CDCA2: variants seen among roughly 807,000 people sequenced by gnomAD.
CDCA2 encodes the protein cell division cycle-associated protein 2.
In CDCA2, 44 loss-of-function variants were observed where a neutral mutation model predicts 67.0. The ratio of observed to expected loss-of-function variants is 0.66; its 90% confidence interval spans 0.52 to 0.84. The LOEUF (loss-of-function observed/expected upper bound fraction) is 0.84. CDCA2 is among the 40% of genes least tolerant of loss of function. The pLI is 0.00. For synonymous variants in CDCA2, 447 were observed against 418.7 expected (o/e 1.07, Z -0.82); for missense variants, 1,253 against 1,203.2 (o/e 1.04, Z -0.61).
intron 3 of CDCA2, 61 bp downstream of exon 3, chr8:25,460,615 C>T (rs1484861805): frequency 8.5e-6 from 13 of 1,520,490 alleles, no homozygotes; most frequent in South Asian, 1.2e-5. Flanking sequence ...TTTAATATAA[C>T]TCAGCTTTAT....
chr8:25,464,845 T>G (rs558331626), intron 4 of CDCA2, among the ~76,000 whole-genome samples: 40 of 152,240 alleles, frequency 2.6e-4, no homozygotes, highest in Non-Finnish European at 5.7e-4. Context: ...TCAAGGATAT[T>G]TCAATGTAAA....
intron 13 of CDCA2, among the ~76,000 whole-genome samples, chr8:25,490,372 G>A (rs1315945466): frequency 6.6e-6 from 1 of 151,870 alleles, no homozygotes; most frequent in Non-Finnish European, 1.5e-5. Flanking sequence ...ACTTAGAATA[G>A]CAATGAGAGG....
rs746940300 is a variant in CDCA2 at position 25,466,162 on chromosome 8, T to G, written c.388-13T>G. ...TGATTATAATACTCCTTGTATATTT[T>G]GCACTTTCACAGGGCAGCCCTGCAC... On this transcript the variant is annotated splice_polypyrimidine_tract_variant and intron_variant, in intron 4 of 14. Transcript: ENST00000330560. 16 of 1,587,024 alleles carry G rather than the reference T, an allele frequency of 1.0e-5. No homozygotes were observed. In the South Asian group the frequency reaches 1.9e-4, roughly 19 times the overall value.
At chr8:25,474,609 G>A (rs1204761177) in intron 7 of CDCA2, among the ~76,000 whole-genome samples, 1 of 152,204 alleles carries the variant, frequency 6.6e-6, no homozygotes, top group South Asian at 2.1e-4. Flanking sequence ...GAAGTCAAAT[G>A]ATATTGCTAG....
chr8:25,490,649 C>T (rs1004580581), intron 13 of CDCA2, among the ~76,000 whole-genome samples: 2 of 152,070 alleles, frequency 1.3e-5, no homozygotes, highest in East Asian at 1.9e-4. Flanking sequence ...AAGTCCTATA[C>T]GTGGGACAGT....
At position 25,485,749 on chromosome 8, in the gene CDCA2, C is replaced by T. The variant is rs1226814766; in HGVS notation, c.1366-10C>T. On this transcript the variant is annotated splice_polypyrimidine_tract_variant and intron_variant, in intron 10 of 14. Transcript: ENST00000330560. ...AAAGATATCTAACTTCTGTCTTTTC[C>T]TTTGTTTAGGAAAACATAGAACCAC... 2.6e-6 allele frequency: 4 copies of T among 1,559,890 alleles called. No individual in the cohort carries two copies. In the South Asian group the frequency reaches 4.7e-5, roughly 18 times the overall value.
At position 25,469,912 on chromosome 8, in the gene CDCA2, G is replaced by C. The variant is rs944341772; in HGVS notation, c.752G>C (p.Gly251Ala). The C allele has an allele frequency of 6.2e-7, 1 of 1,609,522 alleles. No homozygotes were observed. The change falls in exon 7 of 15, where the codon GGT becomes GCT. Residue 251 changes from glycine to alanine, a missense_variant. Transcript: ENST00000330560. Reference protein sequence around the residue: ...VDLSEISSKLGSTQSGFLVEE... With the variant: ...VDLSEISSKLASTQSGFLVEE... ...TTCCCCAAGATATCATCTAAACTTG[G>C]TTCAACACAGTCTGGATTTTTAGTT... is the stretch of plus-strand genomic sequence containing the variant.
At chr8:25,473,293 C>T (rs996145386) in intron 7 of CDCA2, among the ~76,000 whole-genome samples, 1 of 152,118 alleles carries the variant, frequency 6.6e-6, no homozygotes, top group Non-Finnish European at 1.5e-5. Flanking sequence ...ATGATGTTAG[C>T]GACAGGTTTG....
chr8:25,470,160 C>T (rs1488246995), intron 7 of CDCA2, among the ~76,000 whole-genome samples, 180 bp downstream of exon 7: 6 of 152,018 alleles, frequency 3.9e-5, no homozygotes, highest in Non-Finnish European at 5.9e-5. Context: ...TTTTAAGCTA[C>T]GATCAATAAG....
At chr8:25,462,973 C>G (rs568981283) in intron 4 of CDCA2, among the ~76,000 whole-genome samples, 1 of 152,140 alleles carries the variant, frequency 6.6e-6, no homozygotes, top group Admixed American at 6.5e-5. Flanking sequence ...TCAACCCAAA[C>G]GAGGGTATTT....
At chr8:25,475,566 C>G (rs1449659635) in intron 7 of CDCA2, among the ~76,000 whole-genome samples, 2 of 152,118 alleles carry the variant, frequency 1.3e-5, no homozygotes, top group African/African-American at 4.8e-5. Flanking sequence ...TTAGTTGGCT[C>G]ACATCTTTAC....
intron 5 of CDCA2, 84 bp from the exon 6 acceptor site, chr8:25,468,133 A>AG (rs1430348401): frequency 2.5e-5 from 14 of 550,170 alleles, no homozygotes; most frequent in African/African-American, 2.2e-4. Flanking sequence ...AAAAAAAAAA[A>AG]AAAAAAGAAA....
Position 25,460,471 on chromosome 8 carries a change from C to G in CDCA2, c.149C>G (p.Thr50Ser), listed in dbSNP as rs115875864. ...CCTCCTAATCCTTGCACACCAGATA[C>G]TTTTAAATCACCTTTGAACTTTTCC... ...ELPPNPCTPD[T>S]FKSPLNFSTV... The change falls in exon 3 of 15, where the codon ACT becomes AGT. Residue 50 changes from threonine to serine, a missense_variant. Thr to Ser is a moderately conservative substitution (Grantham distance 58). Transcript: ENST00000330560. 2.0e-5 allele frequency: 33 copies of G among 1,614,176 alleles called. No homozygotes were observed. The highest frequency in any genetic ancestry group is 2.7e-5 in the Non-Finnish European group (32 of 1,180,032).
chr8:25,469,071 G>C (rs1803049548), intron 6 of CDCA2, among the ~76,000 whole-genome samples: 1 of 152,234 alleles, frequency 6.6e-6, no homozygotes, highest in South Asian at 2.1e-4. Context: ...TGGAGAGCTG[G>C]TCTCTCGTGA....
intron 13 of CDCA2, among the ~76,000 whole-genome samples, chr8:25,491,428 A>G (rs1184903066): frequency 6.6e-6 from 1 of 152,214 alleles, no homozygotes; most frequent in Non-Finnish European, 1.5e-5. Flanking sequence ...AAGGATAATG[A>G]GGAAAGTGGG....
chr8:25,488,489 A>G (rs1803867678), intron 12 of CDCA2, 63 bp from the exon 13 acceptor site: 1 of 1,439,940 alleles, frequency 6.9e-7, no homozygotes, highest in Non-Finnish European at 9.3e-7. Flanking sequence ...CAAGAGTGAG[A>G]GCAGCACATT....
At chr8:25,505,687 T>TA (rs1410383605) in intron 14 of CDCA2, among the ~76,000 whole-genome samples, 1 of 152,230 alleles carries the variant, frequency 6.6e-6, no homozygotes, top group Non-Finnish European at 1.5e-5. Context: ...ATACTTTTTT[T>TA]AGTTTTTATT....
rs1185549141 is a variant in CDCA2, at chr8:25,507,690, TCTGA to T, written c.3028_3031del (p.Thr1010ProfsTer15). On this transcript the variant is annotated frameshift_variant, in exon 15 of 15. Coordinates refer to ENST00000330560, the MANE Select transcript of CDCA2 (RefSeq NM_152562.4). LOFTEE classifies it low-confidence loss of function (END_TRUNC). ...CTCTTAATGGGAAGGGAGAGAGCTC[TCTGA>T]CTGCCTTGGAAAGGATTGAACATAA... 19 of 1,613,734 alleles carry T rather than the reference TCTGA, an allele frequency of 1.2e-5. No homozygotes were observed. Among genetic ancestry groups the T allele is most frequent in the East Asian group, 4.5e-5 (2 of 44,898 alleles).
Position 25,468,291 on chromosome 8 carries a change from T to G in CDCA2, c.613T>G (p.Ser205Ala). Reference protein sequence around the residue: ...AVLSSKRRRISYQRDSDENLT... With the variant: ...AVLSSKRRRIAYQRDSDENLT... ...GTTGTCCTCCAAACGTCGGAGAATA[T>G]CCTATCAGAGAGACTCTGATGAAAA... The change falls in exon 6 of 15, where the codon TCC becomes GCC. Residue 205 changes from serine (S) to alanine (A), a missense_variant. Ser to Ala is a moderately conservative substitution (Grantham distance 99). Transcript: ENST00000330560. 2 of 1,613,910 alleles carry G rather than the reference T, an allele frequency of 1.2e-6. No individual in the cohort carries two copies. Among genetic ancestry groups the G allele is most frequent in the Non-Finnish European group, 1.7e-6 (2 of 1,179,916 alleles).
Sources: gnomAD v4.1 joint callset for allele counts (sites outside exome capture counted in the v4.1 genomes callset) on GRCh38, gnomAD v4.1.1 for gene constraint, MANE v1.5 for transcripts, NCBI Gene and HGNC (gene_info 2026-07-23, HGNC 2026-07-21) for gene names.